Variants in SPTBN1 observed in about 807,000 individuals in gnomAD.
SPTBN1 encodes spectrin beta chain, non-erythrocytic 1.
Under a neutral mutation model 266.4 loss-of-function variants are expected in SPTBN1, and 32 were observed. The observed-to-expected ratio is 0.12, with a 90% CI of 0.09 to 0.16. SPTBN1 has a LOEUF of 0.16. Among genes scored for constraint, SPTBN1 ranks in the 10% least tolerant of loss-of-function variants. SPTBN1 has a pLI of 1.00. For synonymous variants in SPTBN1, 1,336 were observed against 1,162.2 expected (o/e 1.15, Z -3.04); for missense variants, 2,296 against 3,067.1 (o/e 0.75, Z 5.94).
At chr2:54,551,612 C>G (rs1045857996) in intron 2 of SPTBN1, among the ~76,000 whole-genome samples, 8 of 152,094 alleles carry the variant, frequency 5.3e-5, no homozygotes, top group African/African-American at 1.9e-4. Context: ...GTTTTGTATT[C>G]AGGTCTGATA....
intron 2 of SPTBN1, among the ~76,000 whole-genome samples, chr2:54,555,204 C>A (rs1425415716): frequency 1.3e-5 from 2 of 152,154 alleles, no homozygotes; most frequent in Admixed American, 6.5e-5. Flanking sequence ...TTGCCTCTTA[C>A]TTCCTTTCCT....
chr2:54,642,731 A>G (rs994697740), intron 18 of SPTBN1, among the ~76,000 whole-genome samples: 1 of 152,172 alleles, frequency 6.6e-6, no homozygotes, highest in African/African-American at 2.4e-5. Flanking sequence ...AAACAGTTTG[A>G]AAACTGGCTT....
rs4233954 is a variant in SPTBN1 at position 54,533,843 on chromosome 2, G to A, written c.148+7277G>A. ...TGGGATTACAGGCGTGAGCCTCCAC[G>A]CCCGGCCTGCTGTAGTAATTTAGGG... On this transcript the variant is annotated intron_variant, in intron 2 of 35. Transcript: ENST00000356805. The surrounding 1 kb of genome is among the most constrained non-coding windows in gnomAD (Gnocchi z 4.2). Among the ~76,000 whole-genome samples the A allele has an allele frequency of 0.76, 115,044 of 152,002 alleles. 44,228 individuals carry two copies. Among genetic ancestry groups the A allele is most frequent in the African/African-American group, 0.9 (37,527 of 41,482 alleles).
intron 4 of SPTBN1, among the ~76,000 whole-genome samples, chr2:54,615,718 C>G (rs1329747726): frequency 1.3e-5 from 2 of 152,218 alleles, no homozygotes; most frequent in African/African-American, 4.8e-5. Context: ...TATGCTGCCT[C>G]TGAGCGGCTT....
At position 54,649,268 on chromosome 2, in the gene SPTBN1, G is replaced by A. The variant is rs1680113093; in HGVS notation, c.5202+78G>A. The A allele has an allele frequency of 8.9e-6, 13 of 1,458,154 alleles. No individual in the cohort carries two copies. Among genetic ancestry groups the A allele is most frequent in the East Asian group, 2.3e-5 (1 of 43,152 alleles). 90.3% of individuals were successfully genotyped at this position (1,458,154 alleles called of 1,614,324 possible). A position where few individuals can be genotyped will look rare whatever the true frequency, so the allele number is the denominator to read the frequency against. On this transcript the variant is annotated intron_variant, in intron 25 of 35. Coordinates refer to ENST00000356805, the MANE Select transcript of SPTBN1 (RefSeq NM_003128.3). This position sits in a 1 kb window ranked among gnomAD's most constrained non-coding sequence, Gnocchi z 6.7. ...AAGGCCATTTGCATTCCTTGTCTGTGAGCAGATAAAATGCCCTGGACTCCA... is the reference window on the plus strand; with the variant it reads ...AAGGCCATTTGCATTCCTTGTCTGTAAGCAGATAAAATGCCCTGGACTCCA...
At position 54,515,515 on chromosome 2, in the gene SPTBN1, A is replaced by T. The variant is rs183622846; in HGVS notation, c.-47-10857A>T. 5.9e-5 allele frequency among the ~76,000 whole-genome samples: 9 copies of T among 151,898 alleles called. No individual in the cohort carries two copies. In the East Asian group the frequency reaches 1.7e-3, roughly 29 times the overall value. ...TTCATTATTCCCATCCCTTATCAGG[A>T]ATTTTTTAGATTATTTATTTATTTA... On this transcript the variant is annotated intron_variant, in intron 1 of 35. Transcript: ENST00000356805.
rs75389836 is a variant in SPTBN1, at chr2:54,620,105, A to G, written c.764-1295A>G. Among the ~76,000 whole-genome samples the G allele has an allele frequency of 2.2e-4, 34 of 152,268 alleles. 1 individual carries two copies. In the East Asian group the frequency reaches 5.2e-3, roughly 23 times the overall value. ...TAAGTTGTTTGTTCCTTCTCTCAGT[A>G]CCTATTTATTGACCACCTGCTTTGC... On this transcript the variant is annotated intron_variant, in intron 7 of 35. Coordinates refer to ENST00000356805, the MANE Select transcript of SPTBN1 (RefSeq NM_003128.3).
At chr2:54,516,154 A>G (rs1208996664) in intron 1 of SPTBN1, 1 of 152,238 alleles carries the variant, frequency 6.6e-6, no homozygotes, top group Non-Finnish European at 1.5e-5. Flanking sequence ...GTTCATTTAA[A>G]GCATGGGCTT....
rs543340478 is a variant in SPTBN1 at position 54,651,559 on chromosome 2, C to T, written c.5577+1570C>T. ...GAAGTGCCACTGTCTCCATTCTGCACGGGAGCTGTGGGAATGACACATAGC... is the reference window on the plus strand; with the variant it reads ...GAAGTGCCACTGTCTCCATTCTGCATGGGAGCTGTGGGAATGACACATAGC... On this transcript the variant is annotated intron_variant, in intron 26 of 35. Coordinates refer to ENST00000356805, the MANE Select transcript of SPTBN1 (RefSeq NM_003128.3). Among the ~76,000 whole-genome samples the T allele has an allele frequency of 2.1e-4, 32 of 152,276 alleles. No homozygotes were observed. The South Asian group carries it at 6.2e-3, about 30-fold the overall frequency.
At chr2:54,643,991 T>C (rs1572740653) in intron 19 of SPTBN1, among the ~76,000 whole-genome samples, 1 of 150,916 alleles carries the variant, frequency 6.6e-6, no homozygotes, top group African/African-American at 2.4e-5. Flanking sequence ...ACAATAATAA[T>C]AATAATAATA....
chr2:54,526,666 G>T (rs1670837117), intron 2 of SPTBN1, 100 bp downstream of exon 2: 8 of 1,385,300 alleles, frequency 5.8e-6, no homozygotes, highest in Non-Finnish European at 7.7e-6. Flanking sequence ...ATGTTCGAAG[G>T]TTGTCTCACT....
intron 1 of SPTBN1, among the ~76,000 whole-genome samples, chr2:54,484,760 G>A (rs529237459): frequency 6.1e-5 from 4 of 65,406 alleles, no homozygotes; most frequent in Admixed American, 1.4e-4. Context: ...TGTACCCGGC[G>A]TGGGGTGGTT....
chr2:54,581,183 A>G (rs1674873209), intron 2 of SPTBN1, among the ~76,000 whole-genome samples: 1 of 152,212 alleles, frequency 6.6e-6, no homozygotes, highest in Non-Finnish European at 1.5e-5. Context: ...TTTGAAATAC[A>G]CGTGCATTGT....
rs117368556 is a variant in SPTBN1 at position 54,640,462 on chromosome 2, C to A, written c.3859-2521C>A. ...TTGTACCAGCAATACAGTATGCTGGCATATACAGTATGCTGGAATGAGCAG... is the reference window on the plus strand; with the variant it reads ...TTGTACCAGCAATACAGTATGCTGGAATATACAGTATGCTGGAATGAGCAG... On this transcript the variant is annotated intron_variant, in intron 18 of 35. Coordinates refer to ENST00000356805, the MANE Select transcript of SPTBN1 (RefSeq NM_003128.3). Among the ~76,000 whole-genome samples the A allele has an allele frequency of 1.8e-3, 271 of 152,262 alleles. 8 individuals carry two copies. The East Asian group carries it at 0.038, about 22-fold the overall frequency.
rs746911434 is a variant in SPTBN1 at position 54,644,553 on chromosome 2, G to C, written c.4236G>C (p.Leu1412=). 6.2e-7 allele frequency: 1 copy of C among 1,611,588 alleles called. No individual in the cohort carries two copies. The highest frequency in any genetic ancestry group is 2.2e-5 in the East Asian group (1 of 44,788). The change falls in exon 20 of 36, where the codon CTG becomes CTC. Residue 1412 remains leucine (L), a synonymous_variant. Transcript: ENST00000356805. ...AGTCTGATGACTATGGCAAAGACCT[G>C]ACCAGTGTCAATATCCTGCTGAAAA... The part of the protein sequence containing the change: ...QIQSDDYGKD[L]TSVNILLKKQ...
chr2:54,581,005 C>T (rs989373248), intron 2 of SPTBN1, among the ~76,000 whole-genome samples: 4 of 151,568 alleles, frequency 2.6e-5, no homozygotes, highest in African/African-American at 7.3e-5. Flanking sequence ...GGCTGAGGCA[C>T]GAGAGTCGCT....
In SPTBN1 at chr2:54,645,532, G is replaced by A; in HGVS notation, c.4494+79G>A. On this transcript the variant is annotated intron_variant, in intron 21 of 35. Transcript: ENST00000356805. The surrounding 1 kb of genome is among the most constrained non-coding windows in gnomAD (Gnocchi z 4.3). ...CTAAAGCCCACATTCTCACTTCTCA[G>A]TCATCCTCACCTTGGGCCACGTTGG... 6.8e-7 allele frequency: 1 copy of A among 1,478,964 alleles called. No individual in the cohort carries two copies. Among genetic ancestry groups the A allele is most frequent in the Admixed American group, 1.9e-5 (1 of 51,794 alleles). 91.6% of individuals were successfully genotyped at this position (1,478,964 alleles called of 1,614,324 possible). A position where few individuals can be genotyped will look rare whatever the true frequency, so the allele number is the denominator to read the frequency against.
At chr2:54,605,523 T>G (rs1254102895) in intron 3 of SPTBN1, among the ~76,000 whole-genome samples, 1 of 152,256 alleles carries the variant, frequency 6.6e-6, no homozygotes, top group East Asian at 1.9e-4. Context: ...CACACAGTAG[T>G]TGCTCAGTAA....
intron 1 of SPTBN1, among the ~76,000 whole-genome samples, chr2:54,524,481 T>A (rs1306431117): frequency 6.6e-6 from 1 of 152,078 alleles, no homozygotes; most frequent in Non-Finnish European, 1.5e-5. Context: ...CAGTTCTCCC[T>A]CCAAAGCACA....
Sources: allele counts gnomAD v4.1 joint callset (sites outside exome capture counted in the v4.1 genomes callset), GRCh38; gene constraint gnomAD v4.1.1; non-coding constraint Gnocchi (gnomAD v3.1); transcripts MANE v1.5; gene names NCBI Gene and HGNC (gene_info 2026-07-23, HGNC 2026-07-21).